The following CYP2C19 variants were observed in gnomAD, a reference collection of about 807,000 sequenced individuals.
CYP2C19 encodes the protein cytochrome P450 2C19.
CYP2C19 carries 59 observed loss-of-function variants against 40.9 expected under a neutral mutation model. That is an observed-to-expected ratio of 1.44 (90% CI 1.17 to 1.79). The LOEUF (loss-of-function observed/expected upper bound fraction) is 1.79, where lower values mean the gene tolerates loss of function less well. Ranked by LOEUF, CYP2C19 falls within the 40% of genes most tolerant of loss-of-function variation. The pLI, the probability that CYP2C19 is intolerant of heterozygous loss-of-function variation, is 0.00. For missense variants in CYP2C19, 754 were observed against 596.9 expected (o/e 1.26, Z -2.74); for synonymous variants, 253 against 208.7 (o/e 1.21, Z -1.83).
At chr10:94,782,352 T>A (rs2134240798) in intron 5 of CYP2C19, among the ~76,000 whole-genome samples, 1 of 152,144 alleles carries the variant, frequency 6.6e-6, no homozygotes, top group Non-Finnish European at 1.5e-5. Context: ...GTGAAGGATA[T>A]GAACAGACAC....
chr10:94,770,179 C>T (rs1288761321), intron 1 of CYP2C19, among the ~76,000 whole-genome samples: 1 of 152,056 alleles, frequency 6.6e-6, no homozygotes, highest in East Asian at 1.9e-4. Context: ...ATGACATGGG[C>T]TGGCACTTAC....
intron 6 of CYP2C19, among the ~76,000 whole-genome samples, chr10:94,829,251 C>T (rs113413608): frequency 6.6e-6 from 1 of 152,196 alleles, no homozygotes; most frequent in South Asian, 2.1e-4. Flanking sequence ...TAATATCCTG[C>T]AGAGTGTTTT....
intron 5 of CYP2C19, among the ~76,000 whole-genome samples, chr10:94,809,731 T>C (rs1848885860): frequency 1.3e-5 from 2 of 152,138 alleles, no homozygotes; most frequent in Non-Finnish European, 2.9e-5. Context: ...TATTTTGAGA[T>C]ACATTCCATC....
At chr10:94,769,519 G>T (rs554336196) in intron 1 of CYP2C19, among the ~76,000 whole-genome samples, 4 of 152,258 alleles carry the variant, frequency 2.6e-5, no homozygotes, top group South Asian at 4.1e-4. Flanking sequence ...AGGGTTTAGG[G>T]GTTGGGTACA....
intron 5 of CYP2C19, among the ~76,000 whole-genome samples, chr10:94,813,308 C>A (rs1466867933): frequency 6.6e-6 from 1 of 151,914 alleles, no homozygotes; most frequent in Non-Finnish European, 1.5e-5. Context: ...TCTGTTGACC[C>A]CTGCTGGGAG....
At chr10:94,827,168 T>G (rs1589369912) in intron 6 of CYP2C19, among the ~76,000 whole-genome samples, 2 of 151,828 alleles carry the variant, frequency 1.3e-5, no homozygotes, top group East Asian at 3.9e-4. Flanking sequence ...AGAATGATGC[T>G]GGCCTCATAA....
chr10:94,839,280 A>G (rs1427462752), intron 6 of CYP2C19, among the ~76,000 whole-genome samples: 2 of 150,672 alleles, frequency 1.3e-5, no homozygotes, highest in Non-Finnish European at 2.9e-5. Flanking sequence ...CTTGCCCAAC[A>G]TTGCCTTTGC....
rs1477550472 is a variant in CYP2C19 at position 94,842,970 on chromosome 10, C to T, written c.1095C>T (p.Ser365=). 2 of 1,614,198 alleles carry T rather than the reference C, an allele frequency of 1.2e-6. No homozygotes were observed. The highest frequency in any genetic ancestry group is 2.2e-5 in the South Asian group (2 of 91,084). ...GATACATCGACCTCATCCCCACCAG[C>T]CTGCCCCATGCAGTGACCTGTGACG... The part of the protein sequence containing the change: ...VQRYIDLIPT[S]LPHAVTCDVK... The change falls in exon 7 of 9, where the codon AGC becomes AGT. Residue 365 remains serine (S), a synonymous_variant. Transcript: ENST00000371321.
intron 5 of CYP2C19, among the ~76,000 whole-genome samples, chr10:94,816,729 T>G (rs12246578): frequency 1.1e-5 from 1 of 93,032 alleles, no homozygotes; most frequent in Non-Finnish European, 2.1e-5. Context: ...CCCTCCCCCC[T>G]CCCCCCACCC....
intron 5 of CYP2C19, among the ~76,000 whole-genome samples, chr10:94,802,911 G>A (rs1166504827): frequency 6.6e-6 from 1 of 152,038 alleles, no homozygotes; most frequent in Non-Finnish European, 1.5e-5. Flanking sequence ...TTGAATATTG[G>A]CCCTCACTCT....
chr10:94,841,641 T>C (rs1418729216), intron 6 of CYP2C19, among the ~76,000 whole-genome samples: 1 of 152,254 alleles, frequency 6.6e-6, no homozygotes, highest in Non-Finnish European at 1.5e-5. Context: ...CTATAAACTT[T>C]CCTCTTAGTA....
Position 94,824,041 on chromosome 10 carries a change from C to T in CYP2C19, c.961+3404C>T, listed in dbSNP as rs1366925318. Among the ~76,000 whole-genome samples the T allele has an allele frequency of 5.3e-4, 81 of 152,242 alleles. 1 individual carries two copies. Among genetic ancestry groups the T allele is most frequent in the Admixed American group, 5.2e-3 (79 of 15,290 alleles). On this transcript the variant is annotated intron_variant, in intron 6 of 8. Coordinates refer to ENST00000371321, the MANE Select transcript of CYP2C19 (RefSeq NM_000769.4). ...CTAAAAAGGAGTTTCAAACATCTGC[C>T]TGAACATTTGTAAGTATTTCTAACT...
chr10:94,842,836 G>C lies in CYP2C19; in HGVS notation c.962-1G>C, dbSNP rs1480786901. ...ATCAGTTCTTACTTGTGTCTTGTCA[G>C]CTAAAGTCCAGGAAGAGATTGAACG... On this transcript the variant is annotated splice_acceptor_variant, in intron 6 of 8. Transcript: ENST00000371321. LOFTEE classifies it high-confidence loss of function. The C allele has an allele frequency of 6.2e-7, 1 of 1,614,094 alleles. No homozygotes were observed. The highest frequency in any genetic ancestry group is 2.2e-5 in the East Asian group (1 of 44,888).
intron 5 of CYP2C19, among the ~76,000 whole-genome samples, chr10:94,795,148 TC>T (rs1208104403): frequency 8.0e-5 from 7 of 87,942 alleles, no homozygotes; most frequent in African/African-American, 3.2e-4. Flanking sequence ...ATGTTATCCC[TC>T]CCCCCACCCC....
At chr10:94,768,777 A>G (rs1321331998) in intron 1 of CYP2C19, among the ~76,000 whole-genome samples, 1 of 152,136 alleles carries the variant, frequency 6.6e-6, no homozygotes, top group Non-Finnish European at 1.5e-5. Context: ...AGTCTGAGTA[A>G]GGACTCCAAG....
At chr10:94,768,219 G>A (rs1401174118) in intron 1 of CYP2C19, among the ~76,000 whole-genome samples, 2 of 152,100 alleles carry the variant, frequency 1.3e-5, no homozygotes, top group East Asian at 3.8e-4. Context: ...TAAGGCTCGG[G>A]TAAGTGCCAC....
At chr10:94,831,631 AT>A (rs1343251962) in intron 6 of CYP2C19, among the ~76,000 whole-genome samples, 8 of 152,098 alleles carry the variant, frequency 5.3e-5, no homozygotes, top group African/African-American at 1.9e-4. Flanking sequence ...TGTAGTTTTG[AT>A]TTACATTTCT....
chr10:94,786,818 G>A (rs1848548425), intron 5 of CYP2C19, among the ~76,000 whole-genome samples: 1 of 152,202 alleles, frequency 6.6e-6, no homozygotes, highest in East Asian at 1.9e-4. Context: ...GCCTCCAGCT[G>A]CATCTATGTT....
intron 6 of CYP2C19, among the ~76,000 whole-genome samples, chr10:94,827,460 G>A (rs1849246952): frequency 6.6e-6 from 1 of 151,966 alleles, no homozygotes. Context: ...AGAGGTGTTT[G>A]TAGTATTCTC....
Sources: allele counts gnomAD v4.1 joint callset (sites outside exome capture counted in the v4.1 genomes callset), GRCh38; gene constraint gnomAD v4.1.1; transcripts MANE v1.5; gene names NCBI Gene and HGNC (gene_info 2026-07-23, HGNC 2026-07-21).